The following PXDNL variants were observed in gnomAD, a reference collection of about 807,000 sequenced individuals.
PXDNL encodes the protein peroxidasin like.
PXDNL carries 145 observed loss-of-function variants against 150.8 expected under a neutral mutation model. The observed-to-expected ratio is 0.96, with a 90% CI of 0.84 to 1.10. The LOEUF is 1.10. PXDNL is among the 50% of genes least tolerant of loss of function. PXDNL has a pLI of 0.00. For synonymous variants in PXDNL, 757 were observed against 725.7 expected, an observed-to-expected ratio of 1.04 and a Z score of -0.69; for missense variants, 2,087 against 1,873.9, an observed-to-expected ratio of 1.11 and a Z score of -2.10.
intron 1 of PXDNL, among the ~76,000 whole-genome samples, chr8:51,694,744 G>T (rs376937872): frequency 4.9e-4 from 74 of 152,306 alleles, no homozygotes; most frequent in African/African-American, 1.5e-3. Context: ...AACAAGGCAA[G>T]ATTAGACTTA....
intron 19 of PXDNL, among the ~76,000 whole-genome samples, chr8:51,370,400 C>A (rs1284856552): frequency 6.6e-6 from 1 of 152,186 alleles, no homozygotes; most frequent in Non-Finnish European, 1.5e-5. Flanking sequence ...GGAGAAGAAG[C>A]AAAGGAGTGT....
At chr8:51,495,371 C>A (rs1191206676) in intron 5 of PXDNL, among the ~76,000 whole-genome samples, 1 of 151,958 alleles carries the variant, frequency 6.6e-6, no homozygotes, top group Non-Finnish European at 1.5e-5. Context: ...ATTAAAAGAA[C>A]TAGAAAAGCA....
At chr8:51,680,155 G>C (rs912311046) in intron 1 of PXDNL, among the ~76,000 whole-genome samples, 2 of 152,194 alleles carry the variant, frequency 1.3e-5, no homozygotes, top group African/African-American at 4.8e-5. Flanking sequence ...TGATGACCTA[G>C]CACTGTGATC....
intron 1 of PXDNL, among the ~76,000 whole-genome samples, chr8:51,804,032 C>T (rs549410403): frequency 6.6e-6 from 1 of 152,340 alleles, no homozygotes; most frequent in East Asian, 1.9e-4. Context: ...TGAGGACACA[C>T]TCCCATGACA....
intron 1 of PXDNL, among the ~76,000 whole-genome samples, chr8:51,688,789 G>A (rs1815928464): frequency 6.6e-6 from 1 of 152,110 alleles, no homozygotes; most frequent in Admixed American, 6.5e-5. Context: ...AAATAAAGGA[G>A]GGCATGCATA....
intron 1 of PXDNL, among the ~76,000 whole-genome samples, chr8:51,771,766 T>C (rs1490628181): frequency 6.6e-6 from 1 of 151,992 alleles, no homozygotes; most frequent in Non-Finnish European, 1.5e-5. Context: ...GAGACAGGGC[T>C]CTTCTACCTG....
At chr8:51,403,137 ATTC>A (rs1229235671) in intron 17 of PXDNL, among the ~76,000 whole-genome samples, 1 of 151,982 alleles carries the variant, frequency 6.6e-6, no homozygotes, top group Non-Finnish European at 1.5e-5. Context: ...AAACAGTGTG[ATTC>A]TTGAGAGCAA....
intron 1 of PXDNL, among the ~76,000 whole-genome samples, chr8:51,766,177 G>T (rs2037229978): frequency 6.6e-6 from 1 of 152,100 alleles, no homozygotes; most frequent in African/African-American, 2.4e-5. Context: ...AGGGATTACA[G>T]TTAACATTTT....
intron 2 of PXDNL, among the ~76,000 whole-genome samples, chr8:51,621,082 T>G (rs1428146883): frequency 1.3e-5 from 2 of 152,196 alleles, no homozygotes; most frequent in African/African-American, 4.8e-5. Flanking sequence ...ACTTTCTATC[T>G]TGCTAATTCC....
chr8:51,754,887 T>TA (rs950631917), intron 1 of PXDNL, among the ~76,000 whole-genome samples: 3 of 151,962 alleles, frequency 2.0e-5, no homozygotes, highest in African/African-American at 7.2e-5. Flanking sequence ...CATTCAGCAT[T>TA]AAAAAAAAAA....
chr8:51,336,618 C>A (rs964193287), intron 21 of PXDNL, among the ~76,000 whole-genome samples: 2 of 152,240 alleles, frequency 1.3e-5, no homozygotes, highest in African/African-American at 4.8e-5. Flanking sequence ...CCCAGGAAAT[C>A]TGCAGTTTAT....
intron 15 of PXDNL, among the ~76,000 whole-genome samples, chr8:51,412,065 C>T (rs1472367537): frequency 6.6e-6 from 1 of 152,136 alleles, no homozygotes; most frequent in Non-Finnish European, 1.5e-5. Flanking sequence ...GCCCACTGAC[C>T]AGCACATAAT....
intron 3 of PXDNL, among the ~76,000 whole-genome samples, chr8:51,590,726 T>G (rs564241434): frequency 8.5e-5 from 8 of 94,474 alleles, no homozygotes; most frequent in Non-Finnish European, 1.3e-4. Context: ...AGATATCTTG[T>G]TTTTTTTTAT....
At chr8:51,406,788 C>A (rs1019635269) in intron 17 of PXDNL, among the ~76,000 whole-genome samples, 1 of 152,316 alleles carries the variant, frequency 6.6e-6, no homozygotes, top group African/African-American at 2.4e-5. Context: ...CTCCCCGGCT[C>A]CCCCGCACGC....
intron 17 of PXDNL, among the ~76,000 whole-genome samples, chr8:51,406,153 T>C (rs911934910): frequency 1.3e-5 from 2 of 152,160 alleles, no homozygotes; most frequent in Non-Finnish European, 2.9e-5. Flanking sequence ...AGAAGAAACA[T>C]TCCGGGTACT....
intron 4 of PXDNL, among the ~76,000 whole-genome samples, chr8:51,534,783 C>T (rs1812023269): frequency 7.6e-6 from 1 of 131,288 alleles, no homozygotes. Flanking sequence ...CCGCCCCGTC[C>T]GGGAGGGAGG....
At chr8:51,733,091 C>A (rs1216375740) in intron 1 of PXDNL, among the ~76,000 whole-genome samples, 2 of 152,170 alleles carry the variant, frequency 1.3e-5, no homozygotes, top group East Asian at 3.8e-4. Context: ...GGCAACAGTG[C>A]CTGTCACATG....
chr8:51,385,297 C>T (rs1262727931), intron 17 of PXDNL, among the ~76,000 whole-genome samples: 2 of 151,000 alleles, frequency 1.3e-5, no homozygotes, highest in East Asian at 1.9e-4. Flanking sequence ...AGACTCCCTA[C>T]ATCATAACCA....
At chr8:51,530,714 G>C (rs982103839) in intron 4 of PXDNL, among the ~76,000 whole-genome samples, 4 of 152,060 alleles carry the variant, frequency 2.6e-5, no homozygotes, top group Non-Finnish European at 1.5e-5. Context: ...CTCTGTTCCT[G>C]AGGCTCCTTC....
Sources: allele counts gnomAD v4.1 joint callset (sites outside exome capture counted in the v4.1 genomes callset), GRCh38; gene constraint gnomAD v4.1.1; transcripts MANE v1.5; gene names NCBI Gene and HGNC (gene_info 2026-07-23, HGNC 2026-07-21).